The following MRPS6 variants were observed in gnomAD, a reference collection of about 807,000 sequenced individuals.
MRPS6 encodes mitochondrial ribosomal protein S6.
Under a neutral mutation model 13.1 loss-of-function variants are expected in MRPS6, and 6 were observed. The ratio of observed to expected loss-of-function variants is 0.46; its 90% CI spans 0.25 to 0.91. The LOEUF is 0.91. Ranked by LOEUF, MRPS6 falls within the 40% of genes least tolerant of loss-of-function variation. The probability of loss-of-function intolerance (pLI) is 0.18; values close to 1 mark genes in which losing one functional copy is unlikely to be tolerated. For missense variants in MRPS6, 164 were observed against 155.6 expected (o/e 1.05, Z -0.29); for synonymous variants, 61 against 56.5 (o/e 1.08, Z -0.36).
At chr21:34,128,288 G>T (rs535723148) in intron 2 of MRPS6, among the ~76,000 whole-genome samples, 1 of 152,170 alleles carries the variant, frequency 6.6e-6, no homozygotes, top group Non-Finnish European at 1.5e-5. Flanking sequence ...TGGGGCTGAC[G>T]GGTAGGTATC....
intron 1 of MRPS6, chr21:34,104,746 G>C: frequency 1.0e-6 from 1 of 1,000,228 alleles, no homozygotes; most frequent in Non-Finnish European, 1.2e-6. Flanking sequence ...GAAGTTTGAG[G>C]AACACCCTTG....
chr21:34,075,022 A>G (rs902883627), intron 1 of MRPS6, among the ~76,000 whole-genome samples: 3 of 152,244 alleles, frequency 2.0e-5, no homozygotes, highest in Non-Finnish European at 4.4e-5. Context: ...GTATCTGTTC[A>G]GCCTCTTGAA....
intron 1 of MRPS6, among the ~76,000 whole-genome samples, chr21:34,092,597 A>G (rs1455412781): frequency 6.6e-6 from 1 of 152,234 alleles, no homozygotes; most frequent in African/African-American, 2.4e-5. Context: ...AGCAGAATAT[A>G]GCTTCTATAT....
chr21:34,127,056 T>C (rs1980332183), intron 2 of MRPS6, among the ~76,000 whole-genome samples: 1 of 152,216 alleles, frequency 6.6e-6, no homozygotes, highest in Admixed American at 6.5e-5. Context: ...ACACTAGCCC[T>C]ACTTCTGGGT....
At chr21:34,093,409 A>G (rs1434589056) in intron 1 of MRPS6, among the ~76,000 whole-genome samples, 1 of 152,210 alleles carries the variant, frequency 6.6e-6, no homozygotes, top group Non-Finnish European at 1.5e-5. Context: ...TTTTTTCTGC[A>G]TTAGACCTAA....
At chr21:34,113,956 T>C (rs996265156) in intron 1 of MRPS6, among the ~76,000 whole-genome samples, 1 of 152,200 alleles carries the variant, frequency 6.6e-6, no homozygotes, top group African/African-American at 2.4e-5. Flanking sequence ...GGGAACTGAA[T>C]TGTGCATGAA....
At chr21:34,100,725 G>T (rs992901881) in intron 1 of MRPS6, 2 of 999,924 alleles carry the variant, frequency 2.0e-6, no homozygotes, top group African/African-American at 3.5e-5. Context: ...TAACTCTTGT[G>T]AGAGCCAATA....
chr21:34,096,338 C>G lies in MRPS6; in HGVS notation c.45+22593C>G, dbSNP rs1311392011. On this transcript the variant is annotated intron_variant, in intron 1 of 2. Transcript: ENST00000399312. This position sits in a 1 kb window ranked among gnomAD's most constrained non-coding sequence, Gnocchi z 5.9. ...TTGCAGCTCTGATGAGTGACTTAGA[C>G]TCTATCTTTAACAGTGCCAGTACCA... The G allele has an allele frequency of 1.2e-6, 2 of 1,614,018 alleles. No homozygotes were observed. Among genetic ancestry groups the G allele is most frequent in the East Asian group, 2.2e-5 (1 of 44,894 alleles).
intron 1 of MRPS6, among the ~76,000 whole-genome samples, chr21:34,077,139 A>G (rs1989351597): frequency 1.3e-5 from 2 of 152,240 alleles, no homozygotes; most frequent in Admixed American, 1.3e-4. Flanking sequence ...TGAGTGGGAA[A>G]ATGGTTGAAG....
intron 1 of MRPS6, among the ~76,000 whole-genome samples, chr21:34,121,054 G>A (rs1029469712): frequency 3.9e-5 from 6 of 152,130 alleles, no homozygotes; most frequent in Admixed American, 2.0e-4. Context: ...TAGACGTTGG[G>A]AATACAGTCA....
chr21:34,111,138 T>A (rs1421375412), intron 1 of MRPS6, among the ~76,000 whole-genome samples: 5 of 152,234 alleles, frequency 3.3e-5, no homozygotes, highest in Non-Finnish European at 7.3e-5. Context: ...TCCACCATGC[T>A]GTGCATGTGT....
At chr21:34,117,073 A>G (rs898838152) in intron 1 of MRPS6, among the ~76,000 whole-genome samples, 1 of 152,172 alleles carries the variant, frequency 6.6e-6, no homozygotes, top group Non-Finnish European at 1.5e-5. Flanking sequence ...AGGTGTACAC[A>G]TTTTAAATTA....
chr21:34,122,482 T>C (rs1001834056), intron 1 of MRPS6: 8 of 152,174 alleles, frequency 5.3e-5, no homozygotes, highest in African/African-American at 1.9e-4. Context: ...TTTTATATTT[T>C]CCTAAGTTAC....
intron 2 of MRPS6, among the ~76,000 whole-genome samples, chr21:34,130,624 T>C (rs1287441269): frequency 6.6e-6 from 1 of 152,140 alleles, no homozygotes; most frequent in African/African-American, 2.4e-5. Flanking sequence ...TTAAGAAATA[T>C]AAAGGAGGGC....
chr21:34,104,227 T>C, intron 1 of MRPS6: 1 of 999,980 alleles, frequency 1.0e-6, no homozygotes. Flanking sequence ...CTAGAGGAGC[T>C]ACTTTGCTTT....
At chr21:34,093,772 A>AT (rs1978830406) in intron 1 of MRPS6, among the ~76,000 whole-genome samples, 1 of 152,208 alleles carries the variant, frequency 6.6e-6, no homozygotes, top group Non-Finnish European at 1.5e-5. Context: ...AAGCCGTCAA[A>AT]TTTTAATACA....
chr21:34,106,326 TGAA>T, intron 1 of MRPS6: 1 of 287,716 alleles, frequency 3.5e-6, no homozygotes, highest in Non-Finnish European at 5.6e-6. Flanking sequence ...GTCTCAGAGT[TGAA>T]GAAGAGTTTG....
intron 1 of MRPS6, among the ~76,000 whole-genome samples, chr21:34,106,551 A>G (rs1341537071): frequency 6.6e-6 from 1 of 152,260 alleles, no homozygotes; most frequent in Non-Finnish European, 1.5e-5. Context: ...TAAGAATGGA[A>G]TGAGGAATTT....
chr21:34,131,355 C>G (rs749155526), intron 2 of MRPS6, among the ~76,000 whole-genome samples: 16 of 152,192 alleles, frequency 1.1e-4, no homozygotes, highest in Non-Finnish European at 2.2e-4. Flanking sequence ...GTGGAGTCCT[C>G]TTGATTCTCT....
Sources: gnomAD v4.1 joint callset for allele counts (sites outside exome capture counted in the v4.1 genomes callset) on GRCh38, gnomAD v4.1.1 for gene constraint, Gnocchi (gnomAD v3.1) non-coding constraint, MANE v1.5 for transcripts, NCBI Gene and HGNC (gene_info 2026-07-23, HGNC 2026-07-21) for gene names.